Variants in NDST3 observed in about 807,000 individuals in gnomAD.
NDST3 encodes N-deacetylase and N-sulfotransferase 3.
In NDST3, 58 loss-of-function variants were observed where a neutral mutation model predicts 96.1. That is an observed-to-expected ratio of 0.60 (90% CI 0.49 to 0.75). The LOEUF is 0.75. NDST3 is among the 30% of genes least tolerant of loss of function. The probability of loss-of-function intolerance (pLI) is 0.00; values close to 1 mark genes in which losing one functional copy is unlikely to be tolerated. For missense variants in NDST3, 788 were observed against 1,034.2 expected (o/e 0.76, Z 3.27); for synonymous variants, 333 against 359.7 (o/e 0.93, Z 0.84).
intron 12 of NDST3, 51 bp from the exon 13 acceptor site, chr4:118,253,448 G>C (rs776240065): frequency 5.1e-5 from 63 of 1,224,040 alleles, no homozygotes; most frequent in Middle Eastern, 4.8e-4. Flanking sequence ...CATATAAATT[G>C]GTTGAAAAAT....
chr4:118,175,217 A>G (rs1279620747), intron 6 of NDST3, among the ~76,000 whole-genome samples: 1 of 151,996 alleles, frequency 6.6e-6, no homozygotes, highest in Non-Finnish European at 1.5e-5. Context: ...TTTTCACTTA[A>G]TAGCCTATCT....
chr4:118,214,099 C>T (rs1739032016), intron 6 of NDST3, among the ~76,000 whole-genome samples: 1 of 152,046 alleles, frequency 6.6e-6, no homozygotes, highest in Admixed American at 6.6e-5. Context: ...AAGTAGTCAC[C>T]TCAAACTGGA....
chr4:118,160,128 TG>T (rs1734994017), intron 6 of NDST3, among the ~76,000 whole-genome samples: 1 of 151,912 alleles, frequency 6.6e-6, no homozygotes, highest in Non-Finnish European at 1.5e-5. Flanking sequence ...ATAATAAAAA[TG>T]CCAAAATTCA....
At chr4:118,194,477 G>A in intron 6 of NDST3, 1 of 724,946 alleles carries the variant, frequency 1.4e-6, no homozygotes. Context: ...GGCTGCTATG[G>A]CAATGTCCCA....
At chr4:118,210,029 T>C (rs1309128129) in intron 6 of NDST3, among the ~76,000 whole-genome samples, 1 of 152,086 alleles carries the variant, frequency 6.6e-6, no homozygotes, top group East Asian at 1.9e-4. Flanking sequence ...AAATGAGCTG[T>C]GAGAGGGACA....
chr4:118,196,731 C>CT (rs1042305483), intron 6 of NDST3, among the ~76,000 whole-genome samples: 2 of 150,656 alleles, frequency 1.3e-5, no homozygotes, highest in East Asian at 1.9e-4. Flanking sequence ...TTTGGATCTT[C>CT]TTTTTTTTTC....
At chr4:118,043,616 G>A (rs1724590402) in intron 1 of NDST3, among the ~76,000 whole-genome samples, 1 of 152,218 alleles carries the variant, frequency 6.6e-6, no homozygotes, top group South Asian at 2.1e-4. Context: ...GAAGGGCTCA[G>A]GTGAAGTCTG....
intron 6 of NDST3, among the ~76,000 whole-genome samples, chr4:118,187,909 A>G (rs1737070509): frequency 6.6e-6 from 1 of 152,152 alleles, no homozygotes; most frequent in African/African-American, 2.4e-5. Context: ...GGATGGCAAG[A>G]GCAATCTTTC....
intron 9 of NDST3, 139 bp downstream of exon 9, chr4:118,233,274 A>C (rs1366909933): frequency 1.4e-6 from 1 of 709,726 alleles, no homozygotes; most frequent in African/African-American, 1.8e-5. Context: ...ATTGAATATC[A>C]TAAAGGGGCT....
chr4:118,192,005 G>A (rs1737338039), intron 6 of NDST3, among the ~76,000 whole-genome samples: 1 of 152,158 alleles, frequency 6.6e-6, no homozygotes, highest in South Asian at 2.1e-4. Context: ...ATATCTCACT[G>A]TAGTTTTGAT....
chr4:118,107,657 CTA>C (rs567788553), intron 3 of NDST3, among the ~76,000 whole-genome samples: 183 of 152,182 alleles, frequency 1.2e-3, no homozygotes, highest in African/African-American at 4.4e-3. Flanking sequence ...CTGTACAACT[CTA>C]TGTATAGAAC....
intron 4 of NDST3, among the ~76,000 whole-genome samples, chr4:118,133,100 C>T (rs1356498934): frequency 6.6e-6 from 1 of 152,140 alleles, no homozygotes; most frequent in Admixed American, 6.5e-5. Flanking sequence ...CCACCCTAGT[C>T]CACTGGCTCT....
At chr4:118,227,151 G>A (rs1008379521) in intron 8 of NDST3, among the ~76,000 whole-genome samples, 169 bp downstream of exon 8, 3 of 151,482 alleles carry the variant, frequency 2.0e-5, no homozygotes, top group African/African-American at 7.3e-5. Flanking sequence ...AATGCTTATC[G>A]AAGTGTTTTT....
chr4:118,203,399 T>C (rs1239819799), intron 6 of NDST3, among the ~76,000 whole-genome samples: 1 of 152,180 alleles, frequency 6.6e-6, no homozygotes, highest in Admixed American at 6.5e-5. Context: ...ATCAGTTCTT[T>C]GTATGTCTGG....
At chr4:118,208,982 T>TA (rs980062630) in intron 6 of NDST3, among the ~76,000 whole-genome samples, 3 of 106,262 alleles carry the variant, frequency 2.8e-5, no homozygotes, top group African/African-American at 1.0e-4. Context: ...TGAAACCTCT[T>TA]AGTAGTGAAG....
chr4:118,055,084 G>C lies in NDST3; in HGVS notation c.981+193G>C, dbSNP rs562424717. ...TTCTATCTGAATCAAGAAAAATAAAGATTTTACTAAAAGATTGAGTGTGGC... is the reference window on the plus strand; with the variant it reads ...TTCTATCTGAATCAAGAAAAATAAACATTTTACTAAAAGATTGAGTGTGGC... On this transcript the variant is annotated intron_variant, in intron 2 of 13. Coordinates refer to ENST00000296499, the MANE Select transcript of NDST3 (RefSeq NM_004784.3). 9 of 707,434 alleles carry C rather than the reference G, an allele frequency of 1.3e-5. No individual in the cohort carries two copies. The South Asian group carries it at 1.4e-4, about 11-fold the overall frequency. 43.8% of individuals were successfully genotyped at this position (707,434 alleles called of 1,614,324 possible). A position where few individuals can be genotyped will look rare whatever the true frequency, so the allele number is the denominator to read the frequency against.
chr4:118,127,944 G>T (rs958246066), intron 4 of NDST3, among the ~76,000 whole-genome samples: 1 of 151,556 alleles, frequency 6.6e-6, no homozygotes, highest in African/African-American at 2.4e-5. Context: ...TTTTATTTGT[G>T]GCTACTATAA....
At chr4:118,081,663 A>C (rs1192163210) in intron 2 of NDST3, among the ~76,000 whole-genome samples, 1 of 152,152 alleles carries the variant, frequency 6.6e-6, no homozygotes, top group African/African-American at 2.4e-5. Context: ...AACTGTGCTA[A>C]TTAAGTACAT....
chr4:118,101,554 A>G (rs760272991), intron 2 of NDST3, among the ~76,000 whole-genome samples: 3 of 152,102 alleles, frequency 2.0e-5, no homozygotes, highest in African/African-American at 2.4e-5. Flanking sequence ...ATAAACAATT[A>G]TTTTCTGCTG....
Sources: allele counts gnomAD v4.1 joint callset (sites outside exome capture counted in the v4.1 genomes callset), GRCh38; gene constraint gnomAD v4.1.1; transcripts MANE v1.5; gene names NCBI Gene and HGNC (gene_info 2026-07-23, HGNC 2026-07-21).